Variants in PDE10A observed in about 807,000 individuals in gnomAD.
The protein encoded by PDE10A is phosphodiesterase 10A, also known as cAMP and cAMP-inhibited cGMP 3',5'-cyclic phosphodiesterase 10A.
In PDE10A, 39 loss-of-function variants were observed where a neutral mutation model predicts 97.7. That is an observed-to-expected ratio of 0.40 (90% CI 0.31 to 0.52). The LOEUF is 0.52. Among genes scored for constraint, PDE10A ranks in the 20% least tolerant of loss-of-function variants. The pLI, the probability that PDE10A is intolerant of heterozygous loss-of-function variation, is 0.56. For missense variants in PDE10A, 731 were observed against 1,047.8 expected, an observed-to-expected ratio of 0.70 and a Z score of 4.17; for synonymous variants, 371 against 376.8, an observed-to-expected ratio of 0.98 and a Z score of 0.18.
chr6:165,598,964 T>C (rs892365306), intron 1 of PDE10A, among the ~76,000 whole-genome samples: 8 of 152,116 alleles, frequency 5.3e-5, no homozygotes, highest in Non-Finnish European at 8.8e-5. Flanking sequence ...TTTTCTACCC[T>C]ACGCAGACTG....
chr6:165,895,106 A>G (rs1375982004), intron 1 of PDE10A, among the ~76,000 whole-genome samples: 1 of 152,142 alleles, frequency 6.6e-6, no homozygotes, highest in African/African-American at 2.4e-5. Flanking sequence ...CCTAATATCC[A>G]CTGTCCTCTT....
chr6:165,428,744 T>A, intron 9 of PDE10A, 35 bp from the exon 10 acceptor site: 1 of 840,160 alleles, frequency 1.2e-6, no homozygotes, highest in Non-Finnish European at 2.0e-6. Flanking sequence ...GTAAGTAATT[T>A]CATTAGTTCA....
chr6:165,555,069 C>CA (rs1262515143), intron 1 of PDE10A, among the ~76,000 whole-genome samples: 1 of 151,820 alleles, frequency 6.6e-6, no homozygotes, highest in Non-Finnish European at 1.5e-5. Flanking sequence ...TAATGGGCAC[C>CA]AAAAAAATGA....
At chr6:165,691,920 G>T (rs1164167521) in intron 1 of PDE10A, among the ~76,000 whole-genome samples, 1 of 152,238 alleles carries the variant, frequency 6.6e-6, no homozygotes, top group African/African-American at 2.4e-5. Context: ...TGGAATTGAT[G>T]AACTGTGTTA....
At chr6:165,851,161 CAG>C (rs1780561344) in intron 1 of PDE10A, among the ~76,000 whole-genome samples, 2 of 152,336 alleles carry the variant, frequency 1.3e-5, no homozygotes, top group Admixed American at 1.3e-4. Flanking sequence ...CACATTCAAA[CAG>C]GGGCTTGCTA....
In PDE10A at chr6:165,388,485, A is replaced by G; in HGVS notation, c.2455-32T>C. ...AAAATAATATGATGCAGAGATGCTC[A>G]AAACACAGAAACACACATGAGCAGA... is the stretch of plus-strand genomic sequence containing the variant. On this transcript the variant is annotated intron_variant, in intron 16 of 21. Transcript: ENST00000539869. This position sits in a 1 kb window ranked among gnomAD's most constrained non-coding sequence, Gnocchi z 4.0. The G allele has an allele frequency of 6.2e-7, 1 of 1,605,964 alleles. No individual in the cohort carries two copies. Among genetic ancestry groups the G allele is most frequent in the Non-Finnish European group, 8.5e-7 (1 of 1,173,916 alleles).
In PDE10A at chr6:165,955,500, G is replaced by A. The variant is rs140038042; in HGVS notation, c.-615+32029C>T. Among the ~76,000 whole-genome samples, 68 of 152,194 alleles carry A rather than the reference G, an allele frequency of 4.5e-4. No individual in the cohort carries two copies. The East Asian group carries it at 0.01, about 23-fold the overall frequency. On this transcript the variant is annotated intron_variant, in intron 1 of 19. Coordinates refer to the PDE10A transcript ENST00000366882. ...GTAAAGCCTGACATGGGAGCTTAGC[G>A]TCTACCTCCACCGTCTGCCTGCTAC...
At chr6:165,883,559 A>T (rs998207761) in intron 1 of PDE10A, among the ~76,000 whole-genome samples, 10 of 145,890 alleles carry the variant, frequency 6.9e-5, no homozygotes, top group African/African-American at 2.5e-4. Context: ...AAAAATAAAT[A>T]AAAATAAAAA....
At chr6:165,938,639 T>G (rs1194493472) in intron 1 of PDE10A, among the ~76,000 whole-genome samples, 4 of 152,240 alleles carry the variant, frequency 2.6e-5, no homozygotes, top group Middle Eastern at 3.4e-3. Flanking sequence ...GGCTGATGTC[T>G]TCTAAAACAC....
intron 1 of PDE10A, among the ~76,000 whole-genome samples, chr6:165,897,484 C>T (rs912708779): frequency 6.6e-6 from 1 of 151,948 alleles, no homozygotes; most frequent in African/African-American, 2.4e-5. Flanking sequence ...GCAGGTGCCC[C>T]CAGGGAGTGA....
At chr6:165,537,616 T>C (rs978938451) in intron 2 of PDE10A, among the ~76,000 whole-genome samples, 3 of 152,106 alleles carry the variant, frequency 2.0e-5, no homozygotes, top group Middle Eastern at 3.4e-3. Context: ...TATGATAATG[T>C]GAACACACAA....
Position 165,450,294 on chromosome 6 carries a change from T to A in PDE10A, c.1092A>T (p.Thr364=). The change falls in exon 4 of 22, where the codon ACA becomes ACT. Residue 364 remains threonine, a synonymous_variant. Transcript: ENST00000539869. The part of the protein sequence containing the change: ...LNSYIEQRLD[T]GGDNQLLLYE... ...AGAGGAGTAGCTGGTTGTCTCCTCCTGTGTCCAACCGTTGTTCTATATAGC... is the reference window on the plus strand; with the variant it reads ...AGAGGAGTAGCTGGTTGTCTCCTCCAGTGTCCAACCGTTGTTCTATATAGC... 3 of 1,602,850 alleles carry A rather than the reference T, an allele frequency of 1.9e-6. No homozygotes were observed. Among genetic ancestry groups the A allele is most frequent in the Non-Finnish European group, 2.6e-6 (3 of 1,170,700 alleles).
intron 1 of PDE10A, among the ~76,000 whole-genome samples, chr6:165,800,073 C>T (rs998199388): frequency 3.3e-5 from 5 of 152,210 alleles, no homozygotes; most frequent in Non-Finnish European, 7.3e-5. Flanking sequence ...GACAGTGAGA[C>T]CCGTGGCACC....
chr6:165,574,312 T>C (rs956416668), intron 1 of PDE10A, among the ~76,000 whole-genome samples: 3 of 151,590 alleles, frequency 2.0e-5, no homozygotes, highest in African/African-American at 7.3e-5. Context: ...TTATATTAGC[T>C]CTACTAAAAA....
intron 18 of PDE10A, among the ~76,000 whole-genome samples, chr6:165,355,006 T>A (rs1204034861): frequency 6.6e-6 from 1 of 152,194 alleles, no homozygotes; most frequent in African/African-American, 2.4e-5. Context: ...AATGTAGAAT[T>A]CTGTGGATTG....
intron 1 of PDE10A, among the ~76,000 whole-genome samples, chr6:165,729,522 T>G (rs1792375743): frequency 6.6e-6 from 1 of 152,108 alleles, no homozygotes; most frequent in Non-Finnish European, 1.5e-5. Context: ...CAACCCAAAA[T>G]TCACCCAATT....
chr6:165,878,454 T>C (rs1320956511), intron 1 of PDE10A, among the ~76,000 whole-genome samples: 2 of 152,220 alleles, frequency 1.3e-5, no homozygotes, highest in African/African-American at 4.8e-5. Context: ...ACTTCCCTAC[T>C]ATCCAGTCAA....
At chr6:165,552,266 C>A (rs544566296) in intron 1 of PDE10A, among the ~76,000 whole-genome samples, 2 of 152,182 alleles carry the variant, frequency 1.3e-5, no homozygotes, top group Admixed American at 6.5e-5. Context: ...TAGCACAGTG[C>A]CTGGCTCTGG....
At chr6:165,960,817 G>A (rs1274754131) in intron 1 of PDE10A, among the ~76,000 whole-genome samples, 7 of 152,172 alleles carry the variant, frequency 4.6e-5, no homozygotes, top group African/African-American at 1.7e-4. Flanking sequence ...GAAGACAGAG[G>A]AGCACTCTGT....
Sources: gnomAD v4.1 joint callset for allele counts (sites outside exome capture counted in the v4.1 genomes callset) on GRCh38, gnomAD v4.1.1 for gene constraint, Gnocchi (gnomAD v3.1) non-coding constraint, MANE v1.5 for transcripts, NCBI Gene and HGNC (gene_info 2026-07-23, HGNC 2026-07-21) for gene names.